Variants in MARF1 observed in about 807,000 individuals in gnomAD.
MARF1 encodes the protein limkain-b1.
A neutral mutation model predicts 168.2 loss-of-function variants in MARF1; 24 were observed. That is an observed-to-expected ratio of 0.14 (90% CI 0.10 to 0.20). The LOEUF (loss-of-function observed/expected upper bound fraction) is 0.20, where lower values mean the gene tolerates loss of function less well. Ranked by LOEUF, MARF1 falls within the 10% of genes least tolerant of loss-of-function variation. The pLI is 1.00. For missense variants in MARF1, 1,744 were observed against 2,143.6 expected, an observed-to-expected ratio of 0.81 and a Z score of 3.68; for synonymous variants, 868 against 822.4, an observed-to-expected ratio of 1.06 and a Z score of -0.95.
rs368818123 is a variant in MARF1 at position 15,596,685 on chromosome 16, A to C, written c.*8T>G. 19 of 1,570,888 alleles carry C rather than the reference A, an allele frequency of 1.2e-5. No individual in the cohort carries two copies. The African/African-American group carries it at 2.0e-4, about 17-fold the overall frequency. ...TTTCCCATCCTAATTCTATATTCCA[A>C]ATGGGAGTTAAAGCTTGGTTATAGG... On this transcript the variant is annotated 3_prime_UTR_variant, in exon 27 of 27. Coordinates refer to ENST00000396368, the MANE Select transcript of MARF1 (RefSeq NM_014647.4).
intron 25 of MARF1, 148 bp from the exon 26 acceptor site, chr16:15,599,172 A>AC (rs2032136549): frequency 3.8e-6 from 3 of 779,304 alleles, no homozygotes; most frequent in South Asian, 1.7e-5. Context: ...AAAAAAAAAA[A>AC]AAACAAAAAC....
chr16:15,642,472 C>A (rs944106841), intron 1 of MARF1: 1 of 152,118 alleles, frequency 6.6e-6, no homozygotes, highest in Admixed American at 6.5e-5. Context: ...TCAGAGAAGT[C>A]CAAAAGACAC....
At chr16:15,611,459 A>AAC in intron 18 of MARF1, 133 bp downstream of exon 18, 2 of 840,886 alleles carry the variant, frequency 2.4e-6, no homozygotes, top group Non-Finnish European at 3.5e-6. Context: ...AAAAAAAAAA[A>AAC]AAAAAACAAA....
intron 2 of MARF1, among the ~76,000 whole-genome samples, chr16:15,637,109 G>C (rs567481727): frequency 1.3e-5 from 2 of 152,294 alleles, no homozygotes; most frequent in African/African-American, 4.8e-5. Context: ...CTCAATAGTT[G>C]TATGACCTTG....
At position 15,601,797 on chromosome 16, in the gene MARF1, T is replaced by G. The variant is rs569715299; in HGVS notation, c.4626+194A>C. ...ACTTACTCACCTGGCATATAGGGAT[T>G]TAATAAAGGTTTACAGAAAGAATCA... On this transcript the variant is annotated intron_variant, in intron 23 of 26. Coordinates refer to ENST00000396368, the MANE Select transcript of MARF1 (RefSeq NM_014647.4). 8.3e-5 allele frequency: 51 copies of G among 615,208 alleles called. No homozygotes were observed. In the East Asian group the frequency reaches 1.4e-3, roughly 16 times the overall value. 38.1% of individuals were successfully genotyped at this position (615,208 alleles called of 1,614,324 possible). A position where few individuals can be genotyped will look rare whatever the true frequency, so the allele number is the denominator to read the frequency against.
intron 3 of MARF1, chr16:15,635,263 G>A (rs1035274626): frequency 1.3e-5 from 5 of 392,548 alleles, no homozygotes; most frequent in African/African-American, 1.0e-4. Flanking sequence ...CTGAGGCCAA[G>A]CTTCAGGTTT....
At chr16:15,636,901 T>G (rs969340636) in intron 2 of MARF1, among the ~76,000 whole-genome samples, 2 of 152,144 alleles carry the variant, frequency 1.3e-5, no homozygotes, top group African/African-American at 4.8e-5. Flanking sequence ...TCATAAACCC[T>G]AAGATATCAT....
chr16:15,640,843 A>G (rs1014176159), intron 1 of MARF1, among the ~76,000 whole-genome samples: 3 of 152,250 alleles, frequency 2.0e-5, no homozygotes, highest in Admixed American at 2.0e-4. Flanking sequence ...AGTCTCTGCA[A>G]AGAGACTGTA....
At position 15,602,320 on chromosome 16, in the gene MARF1, AAAG is replaced by A. The variant is rs757978738; in HGVS notation, c.4414-120_4414-118del. On this transcript the variant is annotated intron_variant, in intron 22 of 26. Coordinates refer to ENST00000396368, the MANE Select transcript of MARF1 (RefSeq NM_014647.4). ...AGTTGAAGACGAAGACAAAGAAGAA[AAAG>A]AAGGCAACGAAGATGAGAAGATGAA... 1.3e-4 allele frequency: 98 copies of A among 775,184 alleles called. 4 individuals are homozygous for A. The highest frequency in any genetic ancestry group is 1.5e-4 in the Non-Finnish European group (71 of 465,974). 48.0% of individuals were successfully genotyped at this position (775,184 alleles called of 1,614,324 possible).
chr16:15,633,326 C>T (rs980418816), intron 5 of MARF1, among the ~76,000 whole-genome samples: 16 of 151,980 alleles, frequency 1.1e-4, no homozygotes, highest in Middle Eastern at 3.2e-3. Flanking sequence ...GGACAGAATA[C>T]AGTCATGGGT....
intron 22 of MARF1, chr16:15,602,512 G>GAAGAAGACGAAGACGATGATA: frequency 2.1e-6 from 1 of 473,546 alleles, no homozygotes; most frequent in Non-Finnish European, 3.8e-6. Context: ...AGACGACGAT[G>GAAGAAGACGAAGACGATGATA]AAGAAGACGA....
intron 8 of MARF1, 57 bp downstream of exon 8, chr16:15,625,315 C>T: frequency 1.9e-6 from 3 of 1,558,152 alleles, no homozygotes; most frequent in Non-Finnish European, 2.6e-6. Context: ...GCACGTAAAA[C>T]ACAGAAACAA....
In MARF1 at chr16:15,596,823, G is replaced by A. The variant is rs768018285; in HGVS notation, c.5099C>T (p.Pro1700Leu). The change falls in exon 27 of 27, where the codon CCC becomes CTC. Residue 1700 changes from proline to leucine, a missense_variant. Physicochemically the swap from Pro to Leu is moderately conservative, Grantham distance 98. This residue lies in a region of MARF1 where 313 missense variants were observed against 337.4 expected (regional missense o/e 0.93). Coordinates refer to ENST00000396368, the MANE Select transcript of MARF1 (RefSeq NM_014647.4). Reference protein sequence around the residue: ...SCISAAVPVPPCPSSETSESL... With the variant: ...SCISAAVPVPLCPSSETSESL... ...CTCGGAGGTTTCCGAGGAGGGGCAG[G>A]GAGGCACGGGGACAGCTGCTGAGAT... 6 of 1,614,170 alleles carry A rather than the reference G, an allele frequency of 3.7e-6. No homozygotes were observed. Among genetic ancestry groups the A allele is most frequent in the Non-Finnish European group, 5.1e-6 (6 of 1,180,024 alleles).
chr16:15,621,065 T>A (rs1390747929), intron 12 of MARF1, among the ~76,000 whole-genome samples: 2 of 152,040 alleles, frequency 1.3e-5, no homozygotes, highest in Non-Finnish European at 2.9e-5. Flanking sequence ...ACTTTCCAAA[T>A]TTTCTTCAAT....
At position 15,620,529 on chromosome 16, in the gene MARF1, GCA is replaced by G. The variant is rs747891035; in HGVS notation, c.2640_2641del (p.Ala881ArgfsTer18). 6.2e-7 allele frequency: 1 copy of G among 1,608,482 alleles called. No homozygotes were observed. The highest frequency in any genetic ancestry group is 1.3e-5 in the African/African-American group (1 of 74,746). ...ATCCTGAAGAACAGACATTGTTTCT[GCA>G]CTGTAAAACAGAAGTTTGATTAGGG... On this transcript the variant is annotated frameshift_variant and splice_region_variant, in exon 13 of 27. Coordinates refer to ENST00000396368, the MANE Select transcript of MARF1 (RefSeq NM_014647.4). LOFTEE classifies it high-confidence loss of function.
intron 10 of MARF1, 152 bp downstream of exon 10, chr16:15,624,617 G>A: frequency 1.4e-6 from 1 of 717,232 alleles, no homozygotes; most frequent in Non-Finnish European, 2.3e-6. Context: ...TGTTAACGAT[G>A]ATTACCTGAG....
chr16:15,634,929 T>C lies in MARF1; in HGVS notation c.834A>G (p.Pro278=), dbSNP rs1159173717. 1 of 1,610,658 alleles carries C rather than the reference T, an allele frequency of 6.2e-7. No individual in the cohort carries two copies. Among genetic ancestry groups the C allele is most frequent in the South Asian group, 1.1e-5 (1 of 90,354 alleles). Residue 278 remains proline (P), a splice_region_variant and synonymous_variant, in exon 4 of 27, where the codon CCA becomes CCG. Transcript: ENST00000396368. ...CCGCATCGATTATGCTATTTCTTGC[T>C]GGCTGTTTTAAATTTTTTTTAAAAA... is the stretch of plus-strand genomic sequence containing the variant. ...SLYCEDCLNK[P]ARNSIIDAAK... is the part of the protein sequence containing the mutation.
At chr16:15,631,097 T>C (rs1312467696) in intron 6 of MARF1, among the ~76,000 whole-genome samples, 2 of 152,006 alleles carry the variant, frequency 1.3e-5, no homozygotes, top group African/African-American at 2.4e-5. Flanking sequence ...GCCATCGCAC[T>C]CCAGCCTGGG....
chr16:15,640,076 T>A (rs1489361188), intron 1 of MARF1, among the ~76,000 whole-genome samples: 1 of 152,214 alleles, frequency 6.6e-6, no homozygotes, highest in Non-Finnish European at 1.5e-5. Flanking sequence ...CTAAAGATGC[T>A]GCTCAGGAAA....
Sources: allele counts gnomAD v4.1 joint callset (sites outside exome capture counted in the v4.1 genomes callset), GRCh38; gene constraint gnomAD v4.1.1; regional missense constraint gnomAD v4.1.1; transcripts MANE v1.5; gene names NCBI Gene and HGNC (gene_info 2026-07-23, HGNC 2026-07-21).